Variants in STPG2 observed in about 807,000 individuals in gnomAD.
STPG2 encodes sperm tail PG-rich repeat containing 2, also known as sperm-tail PG-rich repeat-containing protein 2.
A neutral mutation model predicts 54.2 loss-of-function variants in STPG2; 56 were observed. The ratio of observed to expected loss-of-function variants is 1.03; its 90% CI spans 0.83 to 1.29. The LOEUF is 1.29. Ranked by LOEUF, STPG2 falls within the 50% of genes most tolerant of loss-of-function variation. The pLI is 0.00. For missense variants in STPG2, 596 were observed against 544.9 expected (o/e 1.09, Z -0.93); for synonymous variants, 200 against 181.8 (o/e 1.10, Z -0.81).
intron 5 of STPG2, among the ~76,000 whole-genome samples, chr4:97,981,528 T>A (rs900306269): frequency 6.6e-6 from 1 of 152,100 alleles, no homozygotes; most frequent in African/African-American, 2.4e-5. Context: ...AATATAGTAA[T>A]GTATTATGTG....
intron 5 of STPG2, among the ~76,000 whole-genome samples, chr4:98,009,306 CT>C (rs1215780763): frequency 6.6e-6 from 1 of 151,588 alleles, no homozygotes; most frequent in East Asian, 1.9e-4. Flanking sequence ...CTCAAGATAT[CT>C]TTTTATTTCC....
chr4:97,722,090 G>C (rs1259982045), intron 9 of STPG2, among the ~76,000 whole-genome samples: 1 of 147,934 alleles, frequency 6.8e-6, no homozygotes, highest in Non-Finnish European at 1.5e-5. Flanking sequence ...CAATGTCCAG[G>C]AGGGGAAAAA....
chr4:97,961,983 T>A (rs1733906123), intron 7 of STPG2, among the ~76,000 whole-genome samples: 1 of 152,136 alleles, frequency 6.6e-6, no homozygotes, highest in South Asian at 2.1e-4. Context: ...AATGAGTGGA[T>A]AAAGAAACTG....
intron 10 of STPG2, among the ~76,000 whole-genome samples, chr4:97,611,912 G>A (rs1315344059): frequency 6.6e-6 from 1 of 151,644 alleles, no homozygotes; most frequent in African/African-American, 2.4e-5. Context: ...GTCTTTGTAA[G>A]AACAAAAGTA....
chr4:97,659,089 TAG>T (rs1263870660), intron 10 of STPG2, among the ~76,000 whole-genome samples: 1 of 152,112 alleles, frequency 6.6e-6, no homozygotes, highest in African/African-American at 2.4e-5. Flanking sequence ...GAAAAGCTCT[TAG>T]AGGTCCTCAA....
At chr4:97,640,630 T>C (rs1281528218) in intron 10 of STPG2, among the ~76,000 whole-genome samples, 1 of 151,550 alleles carries the variant, frequency 6.6e-6, no homozygotes, top group Non-Finnish European at 1.5e-5. Context: ...TTCAAAACTC[T>C]AACTTAGAAA....
At chr4:98,116,239 C>T (rs1739523288) in intron 3 of STPG2, among the ~76,000 whole-genome samples, 1 of 142,590 alleles carries the variant, frequency 7.0e-6, no homozygotes, top group Non-Finnish European at 1.5e-5. Flanking sequence ...ATAGATGACA[C>T]ATTATTCTGA....
intron 4 of STPG2, among the ~76,000 whole-genome samples, chr4:97,543,118 TG>T (rs946262254): frequency 1.3e-5 from 2 of 151,308 alleles, no homozygotes; most frequent in Non-Finnish European, 2.9e-5. Flanking sequence ...GAACTTAAGG[TG>T]TAATAAAAAA....
chr4:97,948,284 A>T (rs1346017550), intron 7 of STPG2, among the ~76,000 whole-genome samples: 1 of 151,916 alleles, frequency 6.6e-6, no homozygotes, highest in Non-Finnish European at 1.5e-5. Flanking sequence ...TTTATTTCTA[A>T]TTGACCTTAT....
chr4:97,602,651 G>T (rs1414831813), intron 10 of STPG2, among the ~76,000 whole-genome samples: 1 of 151,584 alleles, frequency 6.6e-6, no homozygotes, highest in African/African-American at 2.4e-5. Flanking sequence ...AGTTTTATGG[G>T]ACACTTTTTG....
chr4:97,680,942 T>C (rs915377951), intron 10 of STPG2, among the ~76,000 whole-genome samples: 1 of 152,044 alleles, frequency 6.6e-6, no homozygotes, highest in African/African-American at 2.4e-5. Flanking sequence ...AATTTGACTT[T>C]AATGAATTTA....
At position 98,018,168 on chromosome 4, in the gene STPG2, C is replaced by G. The variant is rs188646699; in HGVS notation, c.613-36850G>C. The stretch of plus-strand genomic sequence containing the variant: ...TATTTCCTAATGCTATCCCTCCCCC[C>G]ATCCCCACCCCACAACAGTCCCCAG... On this transcript the variant is annotated intron_variant, in intron 5 of 10. Coordinates refer to ENST00000295268, the MANE Select transcript of STPG2 (RefSeq NM_174952.3). Among the ~76,000 whole-genome samples the G allele has an allele frequency of 7.2e-5, 11 of 152,060 alleles. No homozygotes were observed. The East Asian group carries it at 1.4e-3, about 19-fold the overall frequency.
chr4:97,949,373 C>A (rs900845023), intron 7 of STPG2, among the ~76,000 whole-genome samples: 1 of 152,080 alleles, frequency 6.6e-6, no homozygotes, highest in African/African-American at 2.4e-5. Flanking sequence ...CTTATCTAAT[C>A]TGCCAATCTG....
At chr4:98,126,598 G>A (rs1223986510) in intron 3 of STPG2, among the ~76,000 whole-genome samples, 1 of 152,146 alleles carries the variant, frequency 6.6e-6, no homozygotes, top group Admixed American at 6.5e-5. Context: ...CAGTCCCAAT[G>A]AGAGAACCTG....
At chr4:98,049,353 G>A (rs1737240938) in intron 5 of STPG2, among the ~76,000 whole-genome samples, 1 of 152,068 alleles carries the variant, frequency 6.6e-6, no homozygotes, top group African/African-American at 2.4e-5. Context: ...CTCAGCTTCA[G>A]AATAAAAATA....
At chr4:97,502,734 A>C (rs1469747384) in intron 4 of STPG2, among the ~76,000 whole-genome samples, 1 of 151,704 alleles carries the variant, frequency 6.6e-6, no homozygotes, top group Non-Finnish European at 1.5e-5. Flanking sequence ...ATAAACCCTG[A>C]CAAAAAAAAT....
At chr4:98,051,179 G>A (rs948779870) in intron 5 of STPG2, among the ~76,000 whole-genome samples, 12 of 152,088 alleles carry the variant, frequency 7.9e-5, no homozygotes, top group Non-Finnish European at 1.5e-4. Flanking sequence ...GCCAAAGGAA[G>A]TTAGTTCCCT....
At chr4:97,896,934 T>C (rs1237366081) in intron 8 of STPG2, among the ~76,000 whole-genome samples, 2 of 151,916 alleles carry the variant, frequency 1.3e-5, no homozygotes, top group Admixed American at 6.6e-5. Context: ...AAGTTCTGGG[T>C]ACATGTGCAG....
At chr4:97,808,198 G>C (rs1727629128) in intron 9 of STPG2, among the ~76,000 whole-genome samples, 2 of 151,958 alleles carry the variant, frequency 1.3e-5, no homozygotes, top group Non-Finnish European at 2.9e-5. Flanking sequence ...ACAGAGCAAT[G>C]AAATAACAAA....
Sources: allele counts gnomAD v4.1 joint callset (sites outside exome capture counted in the v4.1 genomes callset), GRCh38; gene constraint gnomAD v4.1.1; transcripts MANE v1.5; gene names NCBI Gene and HGNC (gene_info 2026-07-23, HGNC 2026-07-21).